Variants in LRRC8D observed in about 807,000 individuals in gnomAD.
LRRC8D encodes volume-regulated anion channel subunit LRRC8D.
In LRRC8D, 20 loss-of-function variants were observed where a neutral mutation model predicts 55.8. That is an observed-to-expected ratio of 0.36 (90% confidence interval 0.25 to 0.52). LRRC8D has a LOEUF of 0.52. Among genes scored for constraint, LRRC8D ranks in the 20% least tolerant of loss-of-function variants. LRRC8D has a pLI of 0.93. For missense variants in LRRC8D, 651 were observed against 1,030.8 expected, an observed-to-expected ratio of 0.63 and a Z score of 5.05; for synonymous variants, 352 against 377.0, an observed-to-expected ratio of 0.93 and a Z score of 0.77.
chr1:89,871,576 T>C (rs910308924), intron 2 of LRRC8D, among the ~76,000 whole-genome samples: 5 of 152,256 alleles, frequency 3.3e-5, no homozygotes, highest in African/African-American at 1.2e-4. Context: ...CTCTTAGGTC[T>C]CTGACGGTAA....
At chr1:89,894,821 G>C (rs1662665581) in intron 2 of LRRC8D, among the ~76,000 whole-genome samples, 1 of 152,224 alleles carries the variant, frequency 6.6e-6, no homozygotes, top group Non-Finnish European at 1.5e-5. Context: ...AGATACAAGT[G>C]TTCCATATCT....
chr1:89,912,505 T>C (rs1663160414), intron 2 of LRRC8D, among the ~76,000 whole-genome samples: 1 of 148,564 alleles, frequency 6.7e-6, no homozygotes, highest in Non-Finnish European at 1.5e-5. Context: ...GACTCCCAGA[T>C]GACTTCCTTG....
intron 2 of LRRC8D, among the ~76,000 whole-genome samples, chr1:89,873,487 TC>T (rs1662073295): frequency 6.6e-6 from 1 of 152,190 alleles, no homozygotes; most frequent in African/African-American, 2.4e-5. Flanking sequence ...GCTCATGACT[TC>T]CTTTCAGTGG....
intron 2 of LRRC8D, among the ~76,000 whole-genome samples, chr1:89,886,801 A>G (rs1333080582): frequency 6.6e-6 from 1 of 152,196 alleles, no homozygotes. Context: ...CATAAATATT[A>G]ACAGTGGTCC....
chr1:89,824,516 C>T (rs911067594), intron 1 of LRRC8D, among the ~76,000 whole-genome samples: 8 of 152,118 alleles, frequency 5.3e-5, no homozygotes, highest in African/African-American at 1.7e-4. Context: ...CCCCAGGAAC[C>T]GTGAACTTCT....
chr1:89,851,525 T>TTTC (rs1455698024), intron 2 of LRRC8D, among the ~76,000 whole-genome samples: 2 of 152,008 alleles, frequency 1.3e-5, no homozygotes, highest in African/African-American at 4.8e-5. Flanking sequence ...TTTTTTTTTT[T>TTTC]TGAGACGAGA....
intron 1 of LRRC8D, among the ~76,000 whole-genome samples, chr1:89,829,961 TA>T (rs1660848527): frequency 6.6e-6 from 1 of 152,242 alleles, no homozygotes; most frequent in Non-Finnish European, 1.5e-5. Context: ...ACAAATCATG[TA>T]AAGATATACC....
intron 1 of LRRC8D, among the ~76,000 whole-genome samples, chr1:89,832,194 G>C (rs541207582): frequency 2.0e-5 from 3 of 152,168 alleles, no homozygotes; most frequent in African/African-American, 7.2e-5. Flanking sequence ...ATCTAACATC[G>C]TTTGTGTAAT....
chr1:89,872,012 G>C (rs573932637), intron 2 of LRRC8D, among the ~76,000 whole-genome samples: 1 of 152,278 alleles, frequency 6.6e-6, no homozygotes, highest in Admixed American at 6.5e-5. Flanking sequence ...GTATTGTTCA[G>C]TTCCTTGGAT....
intron 1 of LRRC8D, among the ~76,000 whole-genome samples, chr1:89,828,958 G>T (rs556397360): frequency 1.3e-5 from 2 of 152,136 alleles, no homozygotes; most frequent in Non-Finnish European, 2.9e-5. Flanking sequence ...GTCATTGGCC[G>T]CCAGAAAGCT....
chr1:89,906,927 G>A (rs182850850), intron 2 of LRRC8D, among the ~76,000 whole-genome samples: 1 of 152,072 alleles, frequency 6.6e-6, no homozygotes, highest in East Asian at 1.9e-4. Flanking sequence ...GAAGGTCTGT[G>A]GGGGCTCATG....
chr1:89,900,392 A>T (rs1296582266), intron 2 of LRRC8D, among the ~76,000 whole-genome samples: 1 of 150,528 alleles, frequency 6.6e-6, no homozygotes, highest in African/African-American at 2.5e-5. Context: ...GTGGTGAGAG[A>T]TGTAGGTTAA....
At chr1:89,856,201 G>A (rs1312926208) in intron 2 of LRRC8D, among the ~76,000 whole-genome samples, 1 of 152,020 alleles carries the variant, frequency 6.6e-6, no homozygotes, top group Non-Finnish European at 1.5e-5. Flanking sequence ...TATCTGTTTA[G>A]CATCTAGAAT....
At chr1:89,830,431 C>T (rs138259131) in intron 1 of LRRC8D, among the ~76,000 whole-genome samples, 72 of 152,300 alleles carry the variant, frequency 4.7e-4, no homozygotes, top group South Asian at 1.9e-3. Flanking sequence ...TCTCTTTCAC[C>T]TGTTCTAAAT....
chr1:89,832,912 C>T (rs1356157535), intron 1 of LRRC8D, among the ~76,000 whole-genome samples: 5 of 152,206 alleles, frequency 3.3e-5, no homozygotes, highest in East Asian at 1.9e-4. Context: ...TATATTAGCT[C>T]ATTTACTTCT....
chr1:89,860,472 A>G (rs1661673236), intron 2 of LRRC8D, among the ~76,000 whole-genome samples: 2 of 151,978 alleles, frequency 1.3e-5, no homozygotes, highest in African/African-American at 4.8e-5. Context: ...TTTAAAATGT[A>G]CACGTGGCCG....
intron 2 of LRRC8D, 135 bp downstream of exon 2, chr1:89,843,917 C>T (rs1661205541): frequency 4.0e-6 from 2 of 502,692 alleles, no homozygotes; most frequent in South Asian, 2.5e-5. Context: ...GCTTCTCACC[C>T]GGGGTCTCTG....
chr1:89,865,733 T>C (rs1432339779), intron 2 of LRRC8D, among the ~76,000 whole-genome samples: 1 of 152,200 alleles, frequency 6.6e-6, no homozygotes, highest in Non-Finnish European at 1.5e-5. Flanking sequence ...CTTACAACTT[T>C]TTTGTTAGAG....
chr1:89,885,902 A>G (rs1485364750), intron 2 of LRRC8D, among the ~76,000 whole-genome samples: 2 of 152,186 alleles, frequency 1.3e-5, no homozygotes, highest in Non-Finnish European at 2.9e-5. Flanking sequence ...ATCAGTTTTC[A>G]TAAGATGTAA....
Sources: allele counts gnomAD v4.1 joint callset (sites outside exome capture counted in the v4.1 genomes callset), GRCh38; gene constraint gnomAD v4.1.1; transcripts MANE v1.5; gene names NCBI Gene and HGNC (gene_info 2026-07-23, HGNC 2026-07-21).